RGS20: variants seen among roughly 807,000 people sequenced by gnomAD.
RGS20 encodes the protein regulator of G protein signaling 20.
In RGS20, 30 loss-of-function variants were observed where a neutral mutation model predicts 33.6. The ratio of observed to expected loss-of-function variants is 0.89; its 90% CI spans 0.67 to 1.21. The LOEUF (loss-of-function observed/expected upper bound fraction) is 1.21, where lower values mean the gene tolerates loss of function less well. Ranked by LOEUF, RGS20 falls within the 50% of genes most tolerant of loss-of-function variation. The pLI, the probability that RGS20 is intolerant of heterozygous loss-of-function variation, is 0.00. For synonymous variants in RGS20, 208 were observed against 197.9 expected (o/e 1.05, Z -0.43); for missense variants, 472 against 502.4 (o/e 0.94, Z 0.58).
chr8:53,947,465 A>T (rs916510062), intron 4 of RGS20, among the ~76,000 whole-genome samples: 10 of 138,180 alleles, frequency 7.2e-5, no homozygotes, highest in African/African-American at 2.4e-4. Flanking sequence ...GCTATATATA[A>T]GATATAGTAT....
chr8:53,950,767 A>G (rs1376810591), intron 4 of RGS20, among the ~76,000 whole-genome samples: 1 of 152,148 alleles, frequency 6.6e-6, no homozygotes, highest in East Asian at 1.9e-4. Context: ...GGCATGGGCC[A>G]CCACACTTGG....
intron 3 of RGS20, among the ~76,000 whole-genome samples, chr8:53,943,601 C>T (rs920327850): frequency 2.6e-5 from 4 of 151,644 alleles, no homozygotes; most frequent in African/African-American, 4.8e-5. Flanking sequence ...AAGAAAACTT[C>T]ACAAAAAAAA....
At chr8:53,943,024 GA>G (rs35287356) in intron 3 of RGS20, among the ~76,000 whole-genome samples, 7 of 150,930 alleles carry the variant, frequency 4.6e-5, no homozygotes, top group Non-Finnish European at 8.9e-5. Context: ...ATGCTAGAGG[GA>G]AAAAAAATTA....
chr8:53,936,739 AACT>A (rs1814146300), intron 2 of RGS20, among the ~76,000 whole-genome samples: 1 of 152,050 alleles, frequency 6.6e-6, no homozygotes. Flanking sequence ...CACAGGAAAA[AACT>A]ACTTTAAATT....
Position 53,859,655 on chromosome 8 carries a change from C to T in RGS20, c.165+7591C>T, listed in dbSNP as rs556488799. On this transcript the variant is annotated intron_variant, in intron 1 of 5. Transcript: ENST00000297313. Reference sequence around the variant, plus strand: ...GGGAGTGTATTAGTCCATTTTCATACTGCTGTGAAGAAATACCCGAGACTG... The same window carrying T: ...GGGAGTGTATTAGTCCATTTTCATATTGCTGTGAAGAAATACCCGAGACTG... 2.1e-3 allele frequency among the ~76,000 whole-genome samples: 323 copies of T among 152,258 alleles called. 3 individuals are homozygous for T. The highest frequency in any genetic ancestry group is 2.0e-3 in the Non-Finnish European group (133 of 68,024).
intron 2 of RGS20, among the ~76,000 whole-genome samples, chr8:53,926,989 T>C (rs1355260889): frequency 6.6e-6 from 1 of 152,184 alleles, no homozygotes; most frequent in Non-Finnish European, 1.5e-5. Flanking sequence ...GTTACTGGTT[T>C]CAATTCCAAA....
chr8:53,908,101 C>T (rs1352476388), intron 2 of RGS20, among the ~76,000 whole-genome samples: 1 of 152,050 alleles, frequency 6.6e-6, no homozygotes, highest in African/African-American at 2.4e-5. Context: ...GACAGTGAAA[C>T]TATTGAAAAC....
chr8:53,918,986 T>C (rs1285651382), intron 2 of RGS20, among the ~76,000 whole-genome samples: 3 of 152,222 alleles, frequency 2.0e-5, no homozygotes, highest in Non-Finnish European at 2.9e-5. Context: ...TGAGGACCTG[T>C]CAAACTGTTT....
At chr8:53,936,191 G>A (rs1315645862) in intron 2 of RGS20, among the ~76,000 whole-genome samples, 1 of 152,112 alleles carries the variant, frequency 6.6e-6, no homozygotes, top group Non-Finnish European at 1.5e-5. Flanking sequence ...ACTGGCACAA[G>A]ACAAGAATGC....
At chr8:53,948,593 A>T (rs1380955076) in intron 4 of RGS20, among the ~76,000 whole-genome samples, 1 of 69,122 alleles carries the variant, frequency 1.4e-5, no homozygotes, top group Non-Finnish European at 2.6e-5. Flanking sequence ...ATGATACAGT[A>T]CATATTTACA....
intron 2 of RGS20, among the ~76,000 whole-genome samples, chr8:53,885,790 C>CTTTTT (rs1172257852): frequency 6.2e-5 from 7 of 112,744 alleles, no homozygotes; most frequent in African/African-American, 1.4e-4. Flanking sequence ...GTATCTTACT[C>CTTTTT]TTTTTTTTTT....
intron 2 of RGS20, among the ~76,000 whole-genome samples, chr8:53,887,749 G>A (rs988535556): frequency 6.6e-6 from 1 of 152,030 alleles, no homozygotes; most frequent in African/African-American, 2.4e-5. Context: ...GGCCAAGACG[G>A]GTGGATCACT....
At chr8:53,919,456 C>T (rs1813584818) in intron 2 of RGS20, among the ~76,000 whole-genome samples, 1 of 152,138 alleles carries the variant, frequency 6.6e-6, no homozygotes, top group African/African-American at 2.4e-5. Context: ...ATTCTCCTGC[C>T]TCAGCCTCCT....
intron 2 of RGS20, chr8:53,880,308 C>G (rs1453411653): frequency 6.5e-6 from 1 of 152,976 alleles, no homozygotes; most frequent in African/African-American, 2.4e-5. Flanking sequence ...CCCTTATCCC[C>G]CGCTCGGTTG....
chr8:53,945,527 A>G (rs1240334672), intron 3 of RGS20, among the ~76,000 whole-genome samples: 1 of 152,140 alleles, frequency 6.6e-6, no homozygotes, highest in Non-Finnish European at 1.5e-5. Context: ...GATAGTAGGG[A>G]TGGTTGCACA....
chr8:53,888,965 A>C (rs1313447234), intron 2 of RGS20, among the ~76,000 whole-genome samples: 1 of 152,178 alleles, frequency 6.6e-6, no homozygotes, highest in Middle Eastern at 3.2e-3. Flanking sequence ...TACTGAAGAA[A>C]TTTTAGTTGT....
chr8:53,933,567 A>G (rs1318459230), intron 2 of RGS20: 1 of 152,206 alleles, frequency 6.6e-6, no homozygotes, highest in Non-Finnish European at 1.5e-5. Flanking sequence ...AGAAAAATGA[A>G]TGAAAAGGAA....
chr8:53,951,511 A>C (rs2129293626), intron 4 of RGS20, among the ~76,000 whole-genome samples: 1 of 152,158 alleles, frequency 6.6e-6, no homozygotes, highest in East Asian at 1.9e-4. Context: ...AAAGAAAAAA[A>C]GAAACAGGGA....
chr8:53,889,723 C>CTGTGTGTG (rs66766851), intron 2 of RGS20, among the ~76,000 whole-genome samples: 2,117 of 146,088 alleles, frequency 0.014, 53 homozygotes, highest in African/African-American at 0.051. Context: ...TGTCAAAATT[C>CTGTGTGTG]TGTGTGTGTG....
Sources: allele counts gnomAD v4.1 joint callset (sites outside exome capture counted in the v4.1 genomes callset), GRCh38; gene constraint gnomAD v4.1.1; transcripts MANE v1.5; gene names NCBI Gene and HGNC (gene_info 2026-07-23, HGNC 2026-07-21).